Variants in TMEM132C observed in about 807,000 individuals in gnomAD.
TMEM132C encodes the protein transmembrane protein 132C.
Under a neutral mutation model 61.4 loss-of-function variants are expected in TMEM132C, and 29 were observed. That is an observed-to-expected ratio of 0.47 (90% confidence interval 0.35 to 0.64). The LOEUF (loss-of-function observed/expected upper bound fraction) is 0.64. Among genes scored for constraint, TMEM132C ranks in the 30% least tolerant of loss-of-function variants. The pLI is 0.00. For missense variants in TMEM132C, 1,408 were observed against 1,476.9 expected (o/e 0.95, Z 0.76); for synonymous variants, 656 against 633.1 (o/e 1.04, Z -0.54).
intron 1 of TMEM132C, among the ~76,000 whole-genome samples, chr12:128,301,681 A>G (rs1452310996): frequency 6.6e-6 from 1 of 152,208 alleles, no homozygotes; most frequent in Non-Finnish European, 1.5e-5. Flanking sequence ...TTTCATTTGC[A>G]TTGGGACTTG....
At chr12:128,488,175 C>T (rs1438174257) in intron 2 of TMEM132C, among the ~76,000 whole-genome samples, 2 of 152,210 alleles carry the variant, frequency 1.3e-5, no homozygotes, top group Non-Finnish European at 2.9e-5. Context: ...CTACTGGCTC[C>T]AGCCTACCAC....
At chr12:128,619,100 T>TA (rs1206639839) in intron 4 of TMEM132C, among the ~76,000 whole-genome samples, 2 of 152,048 alleles carry the variant, frequency 1.3e-5, no homozygotes, top group South Asian at 2.1e-4. Context: ...ATGAGAAATT[T>TA]AAAAAAAATT....
At chr12:128,436,897 AAACGTCCGTC>A (rs1869613866) in intron 2 of TMEM132C, among the ~76,000 whole-genome samples, 1 of 152,188 alleles carries the variant, frequency 6.6e-6, no homozygotes, top group Admixed American at 6.5e-5. Context: ...GAACCAAACC[AAACGTCCGTC>A]AATGATAGAC....
chr12:128,415,322 G>A lies in TMEM132C; in HGVS notation c.676G>A (p.Val226Met). The A allele has an allele frequency of 6.3e-7, 1 of 1,590,736 alleles. No individual in the cohort carries two copies. The highest frequency in any genetic ancestry group is 1.3e-5 in the African/African-American group (1 of 74,480). ...KSMDQPEGTP[V>M]ELYYTVHPGN... ...CATGGACCAGCCGGAGGGGACCCCT[G>A]TGGAGCTCTACTACACCGTGCACCC... Residue 226 changes from valine to methionine, a missense_variant, in exon 2 of 9, where the codon GTG (valine) becomes ATG (methionine). Val to Met is a conservative substitution (Grantham distance 21). Transcript: ENST00000435159. The surrounding 1 kb of genome is among the most constrained non-coding windows in gnomAD (Gnocchi z 5.8).
chr12:128,279,898 A>G (rs1040503765), intron 1 of TMEM132C, among the ~76,000 whole-genome samples: 24 of 152,100 alleles, frequency 1.6e-4, no homozygotes, highest in African/African-American at 5.6e-4. Context: ...ATTTCAGCCT[A>G]TTGTTTCATG....
chr12:128,481,006 G>A (rs1593068754), intron 2 of TMEM132C, among the ~76,000 whole-genome samples: 1 of 152,188 alleles, frequency 6.6e-6, no homozygotes, highest in African/African-American at 2.4e-5. Context: ...CATCTCGCAC[G>A]CTTCCTGGCT....
At position 128,706,056 on chromosome 12, in the gene TMEM132C, G is replaced by A. The variant is rs373406957; in HGVS notation, c.3088G>A (p.Asp1030Asn). The change falls in exon 9 of 9, where the codon GAC becomes AAC. Residue 1030 changes from aspartate (D) to asparagine (N), a missense_variant. By Grantham distance (23) the Asp-to-Asn change is conservative (BLOSUM62 1). Coordinates refer to ENST00000435159, the MANE Select transcript of TMEM132C (RefSeq NM_001136103.3). ...HVQSQIHRSADSGGRQGREQK... is the reference protein window; with the variant it reads ...HVQSQIHRSANSGGRQGREQK... ...GCAGAGCCAGATTCACAGGTCAGCC[G>A]ACTCCGGGGGGCGGCAGGGCAGAGA... 81 of 1,551,548 alleles carry A rather than the reference G, an allele frequency of 5.2e-5. No homozygotes were observed. Among genetic ancestry groups the A allele is most frequent in the Non-Finnish European group, 6.0e-5 (69 of 1,146,998 alleles).
At chr12:128,661,024 A>T (rs1190066346) in intron 4 of TMEM132C, among the ~76,000 whole-genome samples, 3 of 152,242 alleles carry the variant, frequency 2.0e-5, no homozygotes, top group African/African-American at 7.2e-5. Context: ...CAGATTAGAT[A>T]GATGATAGAA....
intron 4 of TMEM132C, among the ~76,000 whole-genome samples, chr12:128,661,636 CTG>C (rs1254498423): frequency 5.3e-5 from 8 of 150,582 alleles, no homozygotes; most frequent in Non-Finnish European, 1.0e-4. Flanking sequence ...ATTTGAAACA[CTG>C]TAAGTTTCCA....
chr12:128,626,273 C>G (rs923173954), intron 4 of TMEM132C, among the ~76,000 whole-genome samples: 3 of 146,322 alleles, frequency 2.1e-5, no homozygotes, highest in Non-Finnish European at 3.0e-5. Flanking sequence ...ATTACAGGCG[C>G]TCACCACCAC....
At chr12:128,587,458 C>T (rs1235504865) in intron 3 of TMEM132C, among the ~76,000 whole-genome samples, 1 of 152,212 alleles carries the variant, frequency 6.6e-6, no homozygotes, top group Non-Finnish European at 1.5e-5. Context: ...CTAATCACCT[C>T]GCTAAAACCT....
chr12:128,350,389 G>A lies in TMEM132C; in HGVS notation c.86-64343G>A, dbSNP rs143982586. ...AGCAATGCTGTAGAGAGGACAGAGC[G>A]TGACGGGGCCACCCCTTAGATGGGT... On this transcript the variant is annotated intron_variant, in intron 1 of 8. Coordinates refer to ENST00000435159, the MANE Select transcript of TMEM132C (RefSeq NM_001136103.3). Among the ~76,000 whole-genome samples, 288 of 152,250 alleles carry A rather than the reference G, an allele frequency of 1.9e-3. 1 individual carries two copies. Among genetic ancestry groups the A allele is most frequent in the African/African-American group, 6.1e-3 (255 of 41,532 alleles).
At chr12:128,656,601 G>A (rs912352775) in intron 4 of TMEM132C, among the ~76,000 whole-genome samples, 1 of 152,192 alleles carries the variant, frequency 6.6e-6, no homozygotes, top group African/African-American at 2.4e-5. Context: ...ACTGGTAAAT[G>A]TGCCCCACCA....
At chr12:128,660,628 C>T (rs1020240118) in intron 4 of TMEM132C, among the ~76,000 whole-genome samples, 1 of 152,164 alleles carries the variant, frequency 6.6e-6, no homozygotes, top group Non-Finnish European at 1.5e-5. Context: ...GCATATAGTT[C>T]AAGGATGGGG....
chr12:128,545,718 A>G (rs1234751280), intron 3 of TMEM132C, among the ~76,000 whole-genome samples: 1 of 152,176 alleles, frequency 6.6e-6, no homozygotes, highest in Non-Finnish European at 1.5e-5. Context: ...AGTAATATGG[A>G]ACATTTTTTT....
At chr12:128,478,512 G>A (rs560265151) in intron 2 of TMEM132C, among the ~76,000 whole-genome samples, 2 of 152,192 alleles carry the variant, frequency 1.3e-5, no homozygotes, top group South Asian at 2.1e-4. Context: ...CTCTTATCCC[G>A]GACTTTCTCT....
chr12:128,324,445 G>GT (rs543302033), intron 1 of TMEM132C, among the ~76,000 whole-genome samples: 1 of 152,180 alleles, frequency 6.6e-6, no homozygotes, highest in Non-Finnish European at 1.5e-5. Flanking sequence ...GAGTGCATGT[G>GT]TGTGGGTATC....
chr12:128,332,508 C>T (rs1259781578), intron 1 of TMEM132C, among the ~76,000 whole-genome samples: 1 of 152,240 alleles, frequency 6.6e-6, no homozygotes, highest in African/African-American at 2.4e-5. Context: ...AAGTGATAGA[C>T]CATATAATTC....
At chr12:128,376,335 G>T (rs1411143582) in intron 1 of TMEM132C, among the ~76,000 whole-genome samples, 1 of 152,148 alleles carries the variant, frequency 6.6e-6, no homozygotes, top group Non-Finnish European at 1.5e-5. Flanking sequence ...GTTCTTGGAT[G>T]TTGTCATAGA....
Sources: allele counts gnomAD v4.1 joint callset (sites outside exome capture counted in the v4.1 genomes callset), GRCh38; gene constraint gnomAD v4.1.1; non-coding constraint Gnocchi (gnomAD v3.1); transcripts MANE v1.5; gene names NCBI Gene and HGNC (gene_info 2026-07-23, HGNC 2026-07-21).